ADAMTSL1: variants seen among roughly 807,000 people sequenced by gnomAD.
The protein encoded by ADAMTSL1 is ADAMTS-like protein 1.
In ADAMTSL1, 126 loss-of-function variants were observed where a neutral mutation model predicts 201.8. That is an observed-to-expected ratio of 0.62 (90% CI 0.54 to 0.72). ADAMTSL1 has a LOEUF of 0.72. Ranked by LOEUF, ADAMTSL1 falls within the 30% of genes least tolerant of loss-of-function variation. The pLI, the probability that ADAMTSL1 is intolerant of heterozygous loss-of-function variation, is 0.00. For synonymous variants in ADAMTSL1, 1,121 were observed against 903.4 expected, an observed-to-expected ratio of 1.24 and a Z score of -4.32; for missense variants, 2,679 against 2,277.8, an observed-to-expected ratio of 1.18 and a Z score of -3.59.
chr9:18,282,416 G>A (rs1016583468), intron 2 of ADAMTSL1, among the ~76,000 whole-genome samples: 3 of 152,054 alleles, frequency 2.0e-5, no homozygotes, highest in East Asian at 1.9e-4. Flanking sequence ...ATTTATTTTC[G>A]TTTGCTATTC....
intron 2 of ADAMTSL1, among the ~76,000 whole-genome samples, chr9:18,165,037 TA>T (rs982147887): frequency 2.0e-5 from 3 of 151,914 alleles, no homozygotes; most frequent in African/African-American, 7.2e-5. Flanking sequence ...ATATGGTTCA[TA>T]TATTGGTTTT....
chr9:18,241,208 C>T lies in ADAMTSL1; in HGVS notation c.207+77227C>T, dbSNP rs76422807. ...ATGTCTTCCTCACTAAGGTACATTT[C>T]TAGGTTTTGATTTCAAGTGAAAGAT... On this transcript the variant is annotated intron_variant, in intron 2 of 29. Coordinates refer to the ADAMTSL1 transcript ENST00000680146. Among the ~76,000 whole-genome samples the T allele has an allele frequency of 6.8e-3, 1,035 of 152,228 alleles. 17 individuals carry two copies. The highest frequency in any genetic ancestry group is 0.023 in the African/African-American group (971 of 41,544).
chr9:18,116,897 T>C (rs1246459506), intron 1 of ADAMTSL1, among the ~76,000 whole-genome samples: 2 of 152,178 alleles, frequency 1.3e-5, no homozygotes, highest in Admixed American at 6.5e-5. Flanking sequence ...ATATTTCTAA[T>C]GGACATCTCA....
At chr9:18,174,472 T>A (rs529601330) in intron 2 of ADAMTSL1, among the ~76,000 whole-genome samples, 39 of 152,260 alleles carry the variant, frequency 2.6e-4, no homozygotes, top group African/African-American at 9.1e-4. Context: ...AATCATATGA[T>A]CAAAAGTCAG....
chr9:18,315,840 G>A (rs1408189814), intron 2 of ADAMTSL1, among the ~76,000 whole-genome samples: 1 of 152,224 alleles, frequency 6.6e-6, no homozygotes, highest in African/African-American at 2.4e-5. Context: ...AGGCCAAGGA[G>A]GCGCAGAGAG....
At chr9:18,215,091 G>T (rs189569399) in intron 2 of ADAMTSL1, among the ~76,000 whole-genome samples, 1 of 152,284 alleles carries the variant, frequency 6.6e-6, no homozygotes, top group South Asian at 2.1e-4. Context: ...ATGAGATGGC[G>T]ATTGGAATGG....
At chr9:17,912,537 G>GT (rs1452080848) in intron 1 of ADAMTSL1, among the ~76,000 whole-genome samples, 1,600 of 66,890 alleles carry the variant, frequency 0.024, 308 homozygotes, top group Middle Eastern at 0.072. Context: ...GGGGTTGTTT[G>GT]TTTTTTTCTT....
chr9:18,337,953 G>A (rs1403308281), intron 2 of ADAMTSL1, among the ~76,000 whole-genome samples: 2 of 152,122 alleles, frequency 1.3e-5, no homozygotes, highest in Admixed American at 1.3e-4. Flanking sequence ...TGATTGGCGT[G>A]GGGGTGGTCA....
intron 2 of ADAMTSL1, among the ~76,000 whole-genome samples, chr9:18,222,731 G>T (rs1245111895): frequency 1.4e-5 from 2 of 144,488 alleles, no homozygotes; most frequent in South Asian, 4.4e-4. Context: ...AAATAGTTTA[G>T]AAGTTTGTTT....
At chr9:18,353,379 C>T (rs1300442246) in intron 2 of ADAMTSL1, among the ~76,000 whole-genome samples, 1 of 152,178 alleles carries the variant, frequency 6.6e-6, no homozygotes, top group African/African-American at 2.4e-5. Context: ...GCACAACTTA[C>T]TGAAGAATTT....
chr9:18,761,462 C>A (rs1387918739), intron 16 of ADAMTSL1, among the ~76,000 whole-genome samples: 1 of 152,018 alleles, frequency 6.6e-6, no homozygotes, highest in Non-Finnish European at 1.5e-5. Context: ...CTGGTATAAG[C>A]AATATAGATA....
chr9:18,471,032 G>C (rs547590506), upstream of ADAMTSL1, among the ~76,000 whole-genome samples: 3 of 152,222 alleles, frequency 2.0e-5, no homozygotes, highest in African/African-American at 7.2e-5. Context: ...GCCTTTCCCC[G>C]GTTGCCATTA....
chr9:18,723,700 T>G (rs578602), intron 15 of ADAMTSL1: 55,224 of 152,724 alleles, frequency 0.36, 10,192 homozygotes, highest in Middle Eastern at 0.4. Flanking sequence ...CATACACATT[T>G]AAACATTTGT....
chr9:18,758,114 C>T (rs909883210), intron 16 of ADAMTSL1, among the ~76,000 whole-genome samples: 1 of 152,198 alleles, frequency 6.6e-6, no homozygotes, highest in African/African-American at 2.4e-5. Flanking sequence ...CACTTGGCCT[C>T]TCTTGAGCCT....
intron 3 of ADAMTSL1, among the ~76,000 whole-genome samples, chr9:18,551,088 C>CA: frequency 6.6e-6 from 1 of 151,840 alleles, no homozygotes; most frequent in South Asian, 2.1e-4. Context: ...AGAAAAGAAT[C>CA]AAAAAGGATG....
chr9:18,718,088 G>A (rs4977338), intron 14 of ADAMTSL1: 3 of 1,409,662 alleles, frequency 2.1e-6, no homozygotes, highest in Non-Finnish European at 3.0e-6. Flanking sequence ...GAATTTTGTA[G>A]AAGAATCTAA....
chr9:18,213,770 C>T (rs988763541), intron 2 of ADAMTSL1, among the ~76,000 whole-genome samples: 2 of 152,114 alleles, frequency 1.3e-5, no homozygotes, highest in Non-Finnish European at 2.9e-5. Flanking sequence ...GACAGAGTCT[C>T]GCTCTGTCGC....
intron 14 of ADAMTSL1, among the ~76,000 whole-genome samples, chr9:18,710,057 G>A (rs893698541): frequency 2.6e-5 from 4 of 152,152 alleles, no homozygotes; most frequent in African/African-American, 4.8e-5. Context: ...TTCTCACATC[G>A]TGCCTGCCTC....
intron 2 of ADAMTSL1, among the ~76,000 whole-genome samples, chr9:18,346,092 C>T (rs1036754772): frequency 2.0e-5 from 3 of 152,186 alleles, no homozygotes; most frequent in Non-Finnish European, 4.4e-5. Context: ...GCTACACATC[C>T]ATTAGCCTTC....
Sources: allele counts gnomAD v4.1 joint callset (sites outside exome capture counted in the v4.1 genomes callset), GRCh38; gene constraint gnomAD v4.1.1; transcripts MANE v1.5; gene names NCBI Gene and HGNC (gene_info 2026-07-23, HGNC 2026-07-21).